Variants in BOK observed in about 807,000 individuals in gnomAD.
BOK encodes the protein bcl-2-related ovarian killer protein.
In BOK, 20 loss-of-function variants were observed where a neutral mutation model predicts 18.3. The observed-to-expected ratio is 1.09, with a 90% CI of 0.77 to 1.59. The LOEUF is 1.59. Ranked by LOEUF, BOK falls within the 40% of genes most tolerant of loss-of-function variation. BOK has a pLI of 0.00. For synonymous variants in BOK, 173 were observed against 142.4 expected (o/e 1.21, Z -1.53); for missense variants, 348 against 307.9 (o/e 1.13, Z -0.97).
chr2:241,553,031 G>T (rs912754622), intron 1 of BOK, among the ~76,000 whole-genome samples: 1 of 152,250 alleles, frequency 6.6e-6, no homozygotes, highest in African/African-American at 2.4e-5. Context: ...TCCAGAGTGA[G>T]GTGGCCGGCA....
chr2:241,559,201 G>C (rs1212643086), intron 1 of BOK, among the ~76,000 whole-genome samples: 2 of 151,662 alleles, frequency 1.3e-5, no homozygotes, highest in African/African-American at 4.8e-5. Context: ...TCGAGGGCGG[G>C]CCCGGCGGCC....
rs567506451 is a variant in BOK at position 241,570,027 on chromosome 2, G to A, written c.350-98G>A. 174 of 1,405,614 alleles carry A rather than the reference G, an allele frequency of 1.2e-4. No individual in the cohort carries two copies. In the African/African-American group the frequency reaches 1.8e-3, roughly 15 times the overall value. The allele number at this position is 1,405,614 out of a possible 1,614,324, so 87.1% of individuals were successfully genotyped here. A position where few individuals can be genotyped will look rare whatever the true frequency, so the allele number is the denominator to read the frequency against. Reference sequence around the variant, plus strand: ...GACGGTCCCTGGTCATTAGCTGGACGGCAAGCAGGACAGCGGCTCAGAGAG... The same window carrying A: ...GACGGTCCCTGGTCATTAGCTGGACAGCAAGCAGGACAGCGGCTCAGAGAG... On this transcript the variant is annotated intron_variant, in intron 3 of 4. Coordinates refer to ENST00000318407, the MANE Select transcript of BOK (RefSeq NM_032515.5).
chr2:241,558,372 A>C (rs75407258), upstream of BOK, among the ~76,000 whole-genome samples: 18,661 of 152,284 alleles, frequency 0.12, 1,364 homozygotes, highest in South Asian at 0.23. Context: ...CTGTTCATCC[A>C]AAGCAAAAGT....
upstream of BOK, among the ~76,000 whole-genome samples, chr2:241,557,187 T>A (rs1388420094): frequency 6.6e-6 from 1 of 152,140 alleles, no homozygotes; most frequent in Non-Finnish European, 1.5e-5. Context: ...TTTCTCTATT[T>A]TTTGCTTTAT....
chr2:241,557,844 G>C (rs1385197333), upstream of BOK, among the ~76,000 whole-genome samples: 1 of 152,162 alleles, frequency 6.6e-6, no homozygotes, highest in Non-Finnish European at 1.5e-5. Context: ...AGGACACACT[G>C]TAAGATTTCA....
At chr2:241,559,151 T>C (rs2066483690) in intron 1 of BOK, among the ~76,000 whole-genome samples, 158 bp downstream of exon 1, 1 of 150,990 alleles carries the variant, frequency 6.6e-6, no homozygotes, top group Non-Finnish European at 1.5e-5. Context: ...GGGGACGCGC[T>C]GGGCTGTGCC....
At chr2:241,567,508 G>A (rs1450698494) in intron 3 of BOK, among the ~76,000 whole-genome samples, 2 of 135,212 alleles carry the variant, frequency 1.5e-5, no homozygotes, top group African/African-American at 5.8e-5. Context: ...ATCAGGCTCC[G>A]CTCCCCGCAT....
upstream of BOK, among the ~76,000 whole-genome samples, chr2:241,554,802 C>G (rs1162506229): frequency 3.3e-5 from 5 of 152,218 alleles, no homozygotes; most frequent in African/African-American, 1.2e-4. Context: ...ACCAACCGAC[C>G]TCTCTCTGGT....
At chr2:241,565,265 G>A (rs984260674) in intron 3 of BOK, among the ~76,000 whole-genome samples, 1 of 147,310 alleles carries the variant, frequency 6.8e-6, no homozygotes, top group Non-Finnish European at 1.5e-5. Context: ...CCCACCTGCT[G>A]CTACTCTGAG....
At chr2:241,564,929 G>A (rs1297730599) in intron 3 of BOK, among the ~76,000 whole-genome samples, 2 of 152,298 alleles carry the variant, frequency 1.3e-5, no homozygotes, top group East Asian at 3.9e-4. Flanking sequence ...GGGCCAGGAT[G>A]CCCCTACCCG....
upstream of BOK, among the ~76,000 whole-genome samples, chr2:241,554,557 C>T (rs756703990): frequency 1.3e-5 from 2 of 152,236 alleles, no homozygotes; most frequent in Non-Finnish European, 2.9e-5. Context: ...TTCCCCATGT[C>T]CAGCCACAGC....
chr2:241,556,159 C>T (rs1407857382), upstream of BOK, among the ~76,000 whole-genome samples: 1 of 152,240 alleles, frequency 6.6e-6, no homozygotes, highest in African/African-American at 2.4e-5. Flanking sequence ...GAGGCGCACA[C>T]TGTCCAAGGA....
intron 3 of BOK, among the ~76,000 whole-genome samples, chr2:241,564,931 C>T (rs1163380846): frequency 6.6e-6 from 1 of 152,178 alleles, no homozygotes; most frequent in Non-Finnish European, 1.5e-5. Context: ...GCCAGGATGC[C>T]CCTACCCGCC....
rs577373345 is a variant in BOK, at chr2:241,563,193, G to A, written c.349+717G>A. Among the ~76,000 whole-genome samples, 4 of 152,294 alleles carry A rather than the reference G, an allele frequency of 2.6e-5. No homozygotes were observed. In the East Asian group the frequency reaches 7.7e-4, roughly 29 times the overall value. On this transcript the variant is annotated intron_variant, in intron 3 of 4. Transcript: ENST00000318407. ...CTCCCGGCTGTCCACATGCTTCTAG[G>A]CCCACGGGAGGCTTAGGGCTTGTCT...
intron 3 of BOK, among the ~76,000 whole-genome samples, chr2:241,568,956 A>G (rs1347732817): frequency 2.0e-5 from 3 of 152,174 alleles, no homozygotes; most frequent in African/African-American, 7.2e-5. Flanking sequence ...AACTCCCTCC[A>G]GGGACCACTG....
chr2:241,564,043 G>T (rs1043255130), intron 3 of BOK, among the ~76,000 whole-genome samples: 2 of 152,196 alleles, frequency 1.3e-5, no homozygotes, highest in African/African-American at 4.8e-5. Flanking sequence ...CGGGGGCTGC[G>T]AGCATTTTCT....
At chr2:241,555,215 G>A (rs1181978894), upstream of BOK, among the ~76,000 whole-genome samples, 1 of 152,086 alleles carries the variant, frequency 6.6e-6, no homozygotes, top group Non-Finnish European at 1.5e-5. Flanking sequence ...TTAGAAACCC[G>A]TCTTTGCTAA....
chr2:241,561,180 C>G (rs955663744), intron 2 of BOK, among the ~76,000 whole-genome samples: 1 of 152,216 alleles, frequency 6.6e-6, no homozygotes, highest in African/African-American at 2.4e-5. Flanking sequence ...GCAGCATTAC[C>G]CTGTTTGCTT....
In BOK at chr2:241,559,650, C is replaced by G. The variant is rs2066495816; in HGVS notation, c.167C>G (p.Ala56Gly). The stretch of plus-strand genomic sequence containing the variant: ...CTCTCCTGGAGCGCGCCCGAGCGTG[C>G]CGCGCCGGTCCCGGGACGCCTGGCT... ...AGLSWSAPER[A>G]APVPGRLAEV... The change falls in exon 2 of 5, where the codon GCC (alanine) becomes GGC (glycine). Residue 56 changes from alanine to glycine, a missense_variant. Coordinates refer to ENST00000318407, the MANE Select transcript of BOK (RefSeq NM_032515.5). The G allele has an allele frequency of 1.4e-6, 2 of 1,391,598 alleles. No homozygotes were observed. The highest frequency in any genetic ancestry group is 3.5e-5 in the Admixed American group (1 of 28,258). 86.2% of individuals were successfully genotyped at this position (1,391,598 alleles called of 1,614,324 possible). A position where few individuals can be genotyped will look rare whatever the true frequency, so the allele number is the denominator to read the frequency against.
Sources: allele counts gnomAD v4.1 joint callset (sites outside exome capture counted in the v4.1 genomes callset), GRCh38; gene constraint gnomAD v4.1.1; transcripts MANE v1.5; gene names NCBI Gene and HGNC (gene_info 2026-07-23, HGNC 2026-07-21).